Variants in PPM1D observed in about 807,000 individuals in gnomAD.
PPM1D encodes protein phosphatase, Mg2+/Mn2+ dependent 1D.
Under a neutral mutation model 58.3 loss-of-function variants are expected in PPM1D, and 52 were observed. The ratio of observed to expected loss-of-function variants is 0.89; its 90% CI spans 0.71 to 1.12. The LOEUF is 1.12. Among genes scored for constraint, PPM1D ranks in the 50% most tolerant of loss-of-function variants. PPM1D has a pLI of 0.00. For missense variants in PPM1D, 564 were observed against 777.2 expected, an observed-to-expected ratio of 0.73 and a Z score of 3.26; for synonymous variants, 278 against 285.1, an observed-to-expected ratio of 0.98 and a Z score of 0.25.
chr17:60,611,256 A>C (rs8080922), intron 1 of PPM1D, among the ~76,000 whole-genome samples: 7,074 of 152,166 alleles, frequency 0.046, 581 homozygotes, highest in African/African-American at 0.16. Flanking sequence ...CCTGACCTCA[A>C]GTGATCTGCA....
Position 60,645,630 on chromosome 17 carries a change from GTA to G in PPM1D, c.827-2258_827-2257del, listed in dbSNP as rs1165202359. ...TATGTGTGTATATATATATGTATATGTATATGTGTGTGTGTGTATATATATAT... is the reference window on the plus strand; with the variant it reads ...TATGTGTGTATATATATATGTATATGTATGTGTGTGTGTGTATATATATAT... On this transcript the variant is annotated intron_variant, in intron 3 of 5. Coordinates refer to ENST00000305921, the MANE Select transcript of PPM1D (RefSeq NM_003620.4). Among the ~76,000 whole-genome samples the G allele has an allele frequency of 2.8e-3, 350 of 125,724 alleles. 3 individuals carry two copies. Among genetic ancestry groups the G allele is most frequent in the African/African-American group, 0.012 (336 of 28,200 alleles). 82.5% of individuals were successfully genotyped at this position (125,724 alleles called of 152,430 possible).
At chr17:60,652,278 C>T (rs2031357845) in intron 4 of PPM1D, among the ~76,000 whole-genome samples, 1 of 152,066 alleles carries the variant, frequency 6.6e-6, no homozygotes. Context: ...AGCATAATGT[C>T]CTCCAGTTCC....
At chr17:60,656,398 A>AC (rs2031439182) in intron 4 of PPM1D, among the ~76,000 whole-genome samples, 1 of 150,362 alleles carries the variant, frequency 6.7e-6, no homozygotes. Flanking sequence ...GCTTGCAGTG[A>AC]CCCGAGATTG....
At chr17:60,636,166 T>C (rs946615158) in intron 3 of PPM1D, among the ~76,000 whole-genome samples, 8 of 152,238 alleles carry the variant, frequency 5.3e-5, no homozygotes, top group African/African-American at 9.6e-5. Flanking sequence ...CATTTTGACT[T>C]CTACCTTGCT....
In PPM1D at chr17:60,662,986, A is replaced by C; in HGVS notation, c.1261-9A>C. ...TTTTTCTTATTTGTTTTACCTTCTT[A>C]TTTTTCAGTCACTGGAGGAGGATCC... On this transcript the variant is annotated splice_polypyrimidine_tract_variant and intron_variant, in intron 5 of 5. Transcript: ENST00000305921. 1 of 1,581,828 alleles carries C rather than the reference A, an allele frequency of 6.3e-7. No individual in the cohort carries two copies. The highest frequency in any genetic ancestry group is 8.6e-7 in the Non-Finnish European group (1 of 1,165,454).
At chr17:60,606,152 A>G (rs1034269945) in intron 1 of PPM1D, among the ~76,000 whole-genome samples, 1 of 152,188 alleles carries the variant, frequency 6.6e-6, no homozygotes, top group African/African-American at 2.4e-5. Context: ...ATTTAAGTAG[A>G]AAAGTGTTCT....
chr17:60,622,194 A>G (rs2030721340), intron 1 of PPM1D, among the ~76,000 whole-genome samples: 1 of 152,042 alleles, frequency 6.6e-6, no homozygotes, highest in African/African-American at 2.4e-5. Flanking sequence ...TGTCTCAAAA[A>G]AAAAAAAAAG....
chr17:60,601,015 A>C, intron 1 of PPM1D, 129 bp downstream of exon 1: 1 of 1,340,312 alleles, frequency 7.5e-7, no homozygotes. Context: ...AGTGACTAAA[A>C]GCTGTAATAG....
chr17:60,660,842 C>T (rs986387222), intron 5 of PPM1D, among the ~76,000 whole-genome samples: 1 of 152,140 alleles, frequency 6.6e-6, no homozygotes, highest in Non-Finnish European at 1.5e-5. Flanking sequence ...TCCCTTATTT[C>T]CCTTTGTTTT....
chr17:60,617,826 A>G (rs1291853150), intron 1 of PPM1D, among the ~76,000 whole-genome samples: 2 of 152,216 alleles, frequency 1.3e-5, no homozygotes, highest in East Asian at 1.9e-4. Flanking sequence ...GTACACTTCA[A>G]TGAATAATTA....
At chr17:60,646,677 T>G (rs1009152904) in intron 3 of PPM1D, among the ~76,000 whole-genome samples, 1 of 152,236 alleles carries the variant, frequency 6.6e-6, no homozygotes, top group African/African-American at 2.4e-5. Context: ...TTCTTCTGTT[T>G]TAGTTTTATT....
chr17:60,626,824 G>A (rs956088031), intron 2 of PPM1D, among the ~76,000 whole-genome samples: 5 of 152,134 alleles, frequency 3.3e-5, no homozygotes, highest in African/African-American at 1.2e-4. Flanking sequence ...GATTACAGAT[G>A]TGAGCCACGT....
intron 2 of PPM1D, among the ~76,000 whole-genome samples, chr17:60,631,605 CAA>C (rs34657053): frequency 7.1e-6 from 1 of 141,150 alleles, no homozygotes. Context: ...AGACTGTCTC[CAA>C]AAAAAAAAGG....
chr17:60,619,499 C>G (rs2030654513), intron 1 of PPM1D, among the ~76,000 whole-genome samples: 1 of 152,184 alleles, frequency 6.6e-6, no homozygotes, highest in African/African-American at 2.4e-5. Context: ...ACATTTCTAT[C>G]AGCAGTGTAC....
chr17:60,661,145 G>A (rs2031518508), intron 5 of PPM1D, among the ~76,000 whole-genome samples: 1 of 150,850 alleles, frequency 6.6e-6, no homozygotes, highest in Admixed American at 6.6e-5. Context: ...CTTGAACCTG[G>A]GAGGCAGAGG....
intron 3 of PPM1D, among the ~76,000 whole-genome samples, chr17:60,645,526 A>C (rs1381430302): frequency 1.4e-5 from 2 of 139,418 alleles, no homozygotes; most frequent in African/African-American, 2.7e-5. Context: ...ATATATGTAT[A>C]TATATATGTG....
chr17:60,630,635 A>G (rs2030902367), intron 2 of PPM1D, among the ~76,000 whole-genome samples: 1 of 152,056 alleles, frequency 6.6e-6, no homozygotes, highest in African/African-American at 2.4e-5. Flanking sequence ...CTTTTATAAC[A>G]TTGCTTTGGT....
At chr17:60,607,720 T>C (rs2030361000) in intron 1 of PPM1D, among the ~76,000 whole-genome samples, 1 of 152,260 alleles carries the variant, frequency 6.6e-6, no homozygotes, top group South Asian at 2.1e-4. Flanking sequence ...CTTTTAGCTC[T>C]GTGTCATAGT....
chr17:60,649,005 T>A (rs964139706), intron 4 of PPM1D, among the ~76,000 whole-genome samples: 2 of 151,964 alleles, frequency 1.3e-5, no homozygotes, highest in East Asian at 3.9e-4. Context: ...CCTGAGGTGA[T>A]GCCTCAGCCC....
Sources: gnomAD v4.1 joint callset for allele counts (sites outside exome capture counted in the v4.1 genomes callset) on GRCh38, gnomAD v4.1.1 for gene constraint, MANE v1.5 for transcripts, NCBI Gene and HGNC (gene_info 2026-07-23, HGNC 2026-07-21) for gene names.